Variants in CD86 observed in about 807,000 individuals in gnomAD.
CD86 encodes T-lymphocyte activation antigen CD86.
CD86 carries 11 observed loss-of-function variants against 32.1 expected under a neutral mutation model. That is an observed-to-expected ratio of 0.34 (90% confidence interval 0.22 to 0.57). The LOEUF (loss-of-function observed/expected upper bound fraction) is 0.57, where lower values mean the gene tolerates loss of function less well. CD86 is among the 20% of genes least tolerant of loss of function. The pLI is 0.86. For synonymous variants in CD86, 137 were observed against 135.3 expected (o/e 1.01, Z -0.09); for missense variants, 359 against 398.4 (o/e 0.90, Z 0.84).
At chr3:122,112,388 C>CAA (rs2073188068) in intron 5 of CD86, among the ~76,000 whole-genome samples, 1 of 151,970 alleles carries the variant, frequency 6.6e-6, no homozygotes, top group Admixed American at 6.6e-5. Context: ...ACGATCTCAG[C>CAA]ACACTGCAAC....
intron 2 of CD86, among the ~76,000 whole-genome samples, chr3:122,101,314 C>T (rs911126032): frequency 9.9e-5 from 15 of 151,494 alleles, no homozygotes; most frequent in African/African-American, 3.4e-4. Context: ...CCACATGTGA[C>T]GTGAATCTCA....
intron 2 of CD86, among the ~76,000 whole-genome samples, chr3:122,099,927 A>G (rs1460272078): frequency 6.6e-6 from 1 of 152,160 alleles, no homozygotes; most frequent in East Asian, 1.9e-4. Flanking sequence ...TGAGGTCTTG[A>G]TTAAGTTGAA....
rs1163362264 is a variant in CD86 at position 122,113,486 on chromosome 3, T to TGAA, written c.847+4078_847+4079insGAA. On this transcript the variant is annotated intron_variant, in intron 5 of 6. Transcript: ENST00000330540. ...ATTCCCACCAGCAGTGTAAACATGT[T>TGAA]CCCTTTTCACCACATCCATGCCAAC... Among the ~76,000 whole-genome samples, 5 of 152,362 alleles carry TGAA rather than the reference T, an allele frequency of 3.3e-5. No individual in the cohort carries two copies. In the East Asian group the frequency reaches 9.6e-4, roughly 29 times the overall value.
chr3:122,080,710 A>G (rs920224860), intron 1 of CD86, among the ~76,000 whole-genome samples: 1 of 152,182 alleles, frequency 6.6e-6, no homozygotes, highest in African/African-American at 2.4e-5. Context: ...AATGGGGAAT[A>G]AGGGGGATTT....
At chr3:122,068,765 G>T in intron 1 of CD86, among the ~76,000 whole-genome samples, 1 of 152,168 alleles carries the variant, frequency 6.6e-6, no homozygotes, top group East Asian at 1.9e-4. Flanking sequence ...CCTATCAGAA[G>T]AAGTTCTGAG....
chr3:122,097,286 A>G (rs2072922669), intron 2 of CD86, among the ~76,000 whole-genome samples: 1 of 152,212 alleles, frequency 6.6e-6, no homozygotes, highest in South Asian at 2.1e-4. Flanking sequence ...TGGAAATGTC[A>G]CAGTGAGGAA....
At chr3:122,088,336 C>G (rs1018662728) in intron 1 of CD86, among the ~76,000 whole-genome samples, 3 of 152,076 alleles carry the variant, frequency 2.0e-5, no homozygotes, top group Non-Finnish European at 4.4e-5. Context: ...CTGTACATTT[C>G]TTTTGCCCGC....
chr3:122,086,747 A>G (rs1559904593), intron 1 of CD86, among the ~76,000 whole-genome samples: 3 of 151,860 alleles, frequency 2.0e-5, no homozygotes, highest in African/African-American at 2.4e-5. Flanking sequence ...TTCTTCTCCC[A>G]CCCCAGTCTG....
At chr3:122,060,705 T>C (rs1194164231) in intron 1 of CD86, among the ~76,000 whole-genome samples, 1 of 152,024 alleles carries the variant, frequency 6.6e-6, no homozygotes, top group Non-Finnish European at 1.5e-5. Context: ...CAAAACTAGT[T>C]TGGGAAGGAT....
intron 1 of CD86, among the ~76,000 whole-genome samples, chr3:122,086,757 G>A (rs2072728295): frequency 6.6e-6 from 1 of 152,184 alleles, no homozygotes; most frequent in African/African-American, 2.4e-5. Context: ...ACCCCAGTCT[G>A]TCTCTCTGAG....
chr3:122,099,965 G>A (rs2072971850), intron 2 of CD86, among the ~76,000 whole-genome samples: 1 of 152,154 alleles, frequency 6.6e-6, no homozygotes, highest in Non-Finnish European at 1.5e-5. Context: ...GTAAGCAAGA[G>A]CAAAACCTGG....
At chr3:122,093,953 G>A (rs1273655669) in intron 2 of CD86, among the ~76,000 whole-genome samples, 1 of 152,216 alleles carries the variant, frequency 6.6e-6, no homozygotes, top group Admixed American at 6.5e-5. Context: ...AACTCTTGTG[G>A]TAAACCATGA....
At position 122,118,050 on chromosome 3, in the gene CD86, A is replaced by C. The variant is rs754275643; in HGVS notation, c.850A>C (p.Thr284Pro). The change falls in exon 6 of 7, where the codon ACC becomes CCC. Residue 284 changes from threonine (T) to proline (P), a missense_variant and splice_region_variant. Physicochemically the swap from Thr to Pro is conservative, Grantham distance 38. Coordinates refer to ENST00000330540, the MANE Select transcript of CD86 (RefSeq NM_175862.5). ...AGATTGTTCTTGGTGTCTTTCAGGA[A>C]CCAACACAATGGAGAGGGAAGAGAG... The part of the protein sequence containing the change: ...KRPRNSYKCG[T>P]NTMEREESEQ... 1.9e-6 allele frequency: 3 copies of C among 1,613,314 alleles called. No homozygotes were observed. Among genetic ancestry groups the C allele is most frequent in the East Asian group, 4.5e-5 (2 of 44,850 alleles).
intron 6 of CD86, among the ~76,000 whole-genome samples, 200 bp downstream of exon 6, chr3:122,118,293 A>G (rs2073288107): frequency 6.6e-6 from 1 of 152,244 alleles, no homozygotes; most frequent in South Asian, 2.1e-4. Flanking sequence ...CACAATGCCC[A>G]GAAAGCATGA....
chr3:122,102,871 T>C (rs975333617), intron 2 of CD86, among the ~76,000 whole-genome samples: 6 of 136,816 alleles, frequency 4.4e-5, no homozygotes, highest in African/African-American at 1.9e-4. Context: ...TTGACATCCT[T>C]GGAAGTGCTG....
rs966908410 is a variant in CD86 at position 122,120,135 on chromosome 3, G to A, written c.*601G>A. The A allele has an allele frequency of 4.6e-5, 7 of 152,382 alleles. No homozygotes were observed. Among genetic ancestry groups the A allele is most frequent in the Admixed American group, 1.3e-4 (2 of 15,292 alleles). The allele number at this position is 152,382 out of a possible 1,614,324, so 9.4% of individuals were successfully genotyped here. On this transcript the variant is annotated 3_prime_UTR_variant, in exon 7 of 7. Transcript: ENST00000330540. ...TCTGTCAGGGTCAGTAAGGAAAACG[G>A]TGGCCTAGGGTACAGGCAACAATGA...
chr3:122,095,923 T>G (rs1014725990), intron 2 of CD86, among the ~76,000 whole-genome samples: 2 of 152,148 alleles, frequency 1.3e-5, no homozygotes, highest in African/African-American at 4.8e-5. Flanking sequence ...GAAATTGGTA[T>G]GGAACAGAGA....
At chr3:122,071,842 C>A (rs1320947291) in intron 1 of CD86, among the ~76,000 whole-genome samples, 1 of 151,056 alleles carries the variant, frequency 6.6e-6, no homozygotes, top group African/African-American at 2.4e-5. Flanking sequence ...CATCATTTAG[C>A]ATTAGGAGGT....
intron 1 of CD86, among the ~76,000 whole-genome samples, chr3:122,077,159 A>G (rs2072566647): frequency 6.6e-6 from 1 of 152,204 alleles, no homozygotes; most frequent in Non-Finnish European, 1.5e-5. Context: ...CACACTGAGC[A>G]GAGGACTTTG....
Sources: allele counts gnomAD v4.1 joint callset (sites outside exome capture counted in the v4.1 genomes callset), GRCh38; gene constraint gnomAD v4.1.1; transcripts MANE v1.5; gene names NCBI Gene and HGNC (gene_info 2026-07-23, HGNC 2026-07-21).